UVRAG: variants seen among roughly 807,000 people sequenced by gnomAD.
UVRAG encodes the protein UV radiation resistance-associated gene protein.
UVRAG carries 19 observed loss-of-function variants against 78.0 expected under a neutral mutation model. The ratio of observed to expected loss-of-function variants is 0.24; its 90% CI spans 0.17 to 0.36. The LOEUF (loss-of-function observed/expected upper bound fraction) is 0.36. Ranked by LOEUF, UVRAG falls within the 10% of genes least tolerant of loss-of-function variation. UVRAG has a pLI of 1.00. For missense variants in UVRAG, 740 were observed against 853.8 expected, an observed-to-expected ratio of 0.87 and a Z score of 1.66; for synonymous variants, 323 against 324.6, an observed-to-expected ratio of 1.00 and a Z score of 0.05.
At chr11:76,062,227 G>T (rs1373813685) in intron 12 of UVRAG, among the ~76,000 whole-genome samples, 8 of 152,094 alleles carry the variant, frequency 5.3e-5, no homozygotes. Flanking sequence ...AATAAAAAAT[G>T]ATCTCAACTC....
At chr11:76,006,514 G>T (rs1022668963) in intron 9 of UVRAG, among the ~76,000 whole-genome samples, 1 of 151,774 alleles carries the variant, frequency 6.6e-6, no homozygotes, top group African/African-American at 2.4e-5. Context: ...ACAAAAATTA[G>T]CTCAGCATGG....
intron 1 of UVRAG, among the ~76,000 whole-genome samples, chr11:75,835,646 A>C (rs80191572): frequency 6.6e-6 from 1 of 152,224 alleles, no homozygotes; most frequent in Non-Finnish European, 1.5e-5. Context: ...TATTACAAAA[A>C]TAGAGATGTC....
At chr11:76,118,388 TTCTTG>T (rs1270700947) in intron 14 of UVRAG, among the ~76,000 whole-genome samples, 6 of 152,194 alleles carry the variant, frequency 3.9e-5, no homozygotes, top group Non-Finnish European at 5.9e-5. Context: ...TCGTTACTTT[TTCTTG>T]TCTTACTATG....
rs537708175 is a variant in UVRAG at position 75,953,573 on chromosome 11, G to T, written c.594-7871G>T. 2.6e-5 allele frequency among the ~76,000 whole-genome samples: 4 copies of T among 152,112 alleles called. No homozygotes were observed. The South Asian group carries it at 8.3e-4, about 32-fold the overall frequency. On this transcript the variant is annotated intron_variant, in intron 6 of 14. Coordinates refer to ENST00000356136, the MANE Select transcript of UVRAG (RefSeq NM_003369.4). Reference sequence around the variant, plus strand: ...TCTTTGTCTTAAACTTGAATGCAGGGTTTCTGATGTCATATGATCAATATT... The same window carrying T: ...TCTTTGTCTTAAACTTGAATGCAGGTTTTCTGATGTCATATGATCAATATT...
intron 7 of UVRAG, among the ~76,000 whole-genome samples, chr11:75,981,446 C>T (rs928724358): frequency 2.0e-5 from 3 of 147,424 alleles, no homozygotes; most frequent in African/African-American, 5.4e-5. Flanking sequence ...TATTTCTTTT[C>T]TTTTCGTTTT....
chr11:76,032,794 G>A (rs1591156704), intron 12 of UVRAG, among the ~76,000 whole-genome samples: 1 of 152,196 alleles, frequency 6.6e-6, no homozygotes, highest in Non-Finnish European at 1.5e-5. Flanking sequence ...GCACAAAGCA[G>A]ATAATACACC....
chr11:75,924,696 TTG>T (rs1948056363), intron 6 of UVRAG, among the ~76,000 whole-genome samples: 2 of 152,156 alleles, frequency 1.3e-5, no homozygotes, highest in South Asian at 4.1e-4. Flanking sequence ...CCTGAAAGCA[TTG>T]TTTTTAAATT....
At chr11:75,938,051 A>G (rs926935920) in intron 6 of UVRAG, among the ~76,000 whole-genome samples, 4 of 151,854 alleles carry the variant, frequency 2.6e-5, no homozygotes, top group African/African-American at 9.7e-5. Context: ...CATCCTTTAA[A>G]AATATGTGTG....
At chr11:75,947,818 G>A (rs1260694210) in intron 6 of UVRAG, among the ~76,000 whole-genome samples, 1 of 152,044 alleles carries the variant, frequency 6.6e-6, no homozygotes, top group African/African-American at 2.4e-5. Context: ...TTACGTCTAT[G>A]GATTTTTGTG....
intron 13 of UVRAG, among the ~76,000 whole-genome samples, chr11:76,068,167 T>C (rs1251260317): frequency 6.6e-6 from 1 of 152,184 alleles, no homozygotes; most frequent in Non-Finnish European, 1.5e-5. Context: ...TCATATAAAG[T>C]GTTGCTAAGA....
intron 12 of UVRAG, among the ~76,000 whole-genome samples, chr11:76,032,864 C>T (rs1007839829): frequency 6.6e-6 from 1 of 152,192 alleles, no homozygotes; most frequent in African/African-American, 2.4e-5. Context: ...TCACTTTACA[C>T]TGCTGAACAG....
chr11:75,932,682 A>C (rs1948268872), intron 6 of UVRAG, among the ~76,000 whole-genome samples: 1 of 152,230 alleles, frequency 6.6e-6, no homozygotes, highest in Admixed American at 6.5e-5. Context: ...GATACAAAAT[A>C]AACATATACC....
chr11:76,143,700 C>T lies in UVRAG; in HGVS notation c.*2287C>T, dbSNP rs937318108. On this transcript the variant is annotated 3_prime_UTR_variant, in exon 15 of 15. Coordinates refer to ENST00000356136, the MANE Select transcript of UVRAG (RefSeq NM_003369.4). ...CCTGGGTAGAACCTATGGGATTACC[C>T]GTCTCCTGGAATAACTGTTTGACGT... 1.3e-5 allele frequency among the ~76,000 whole-genome samples: 2 copies of T among 152,236 alleles called. No homozygotes were observed. Among genetic ancestry groups the T allele is most frequent in the African/African-American group, 2.4e-5 (1 of 41,452 alleles).
chr11:75,908,268 GT>G (rs1947660488), intron 5 of UVRAG, among the ~76,000 whole-genome samples: 1 of 152,016 alleles, frequency 6.6e-6, no homozygotes, highest in African/African-American at 2.4e-5. Flanking sequence ...CTTTTTAATG[GT>G]GAATAATATT....
chr11:75,981,602 A>G (rs902303356), intron 7 of UVRAG, among the ~76,000 whole-genome samples: 7 of 152,152 alleles, frequency 4.6e-5, no homozygotes, highest in African/African-American at 1.7e-4. Flanking sequence ...GGCATGAGCC[A>G]TCTTGCCTGG....
chr11:75,816,951 G>A (rs560201486), intron 1 of UVRAG, among the ~76,000 whole-genome samples: 1 of 152,294 alleles, frequency 6.6e-6, no homozygotes, highest in East Asian at 1.9e-4. Flanking sequence ...AGTAGCAACG[G>A]CTTTTTGTGT....
At chr11:76,003,288 T>TTTG (rs1491521163) in intron 8 of UVRAG, among the ~76,000 whole-genome samples, 1 of 62,472 alleles carries the variant, frequency 1.6e-5, no homozygotes, top group African/African-American at 6.1e-5. Context: ...TTTTTTTTTT[T>TTTG]GGAGACAGAG....
intron 1 of UVRAG, among the ~76,000 whole-genome samples, chr11:75,849,184 G>GA (rs957753361): frequency 5.8e-5 from 7 of 120,034 alleles, no homozygotes; most frequent in Non-Finnish European, 1.1e-4. Context: ...CCTCTCAAAA[G>GA]AAAAAAAAAA....
chr11:76,088,885 G>A (rs975364253), intron 13 of UVRAG, among the ~76,000 whole-genome samples: 2 of 152,072 alleles, frequency 1.3e-5, no homozygotes, highest in East Asian at 1.9e-4. Context: ...TTACATTTCT[G>A]TTGTTATTTT....
Sources: allele counts gnomAD v4.1 joint callset (sites outside exome capture counted in the v4.1 genomes callset), GRCh38; gene constraint gnomAD v4.1.1; transcripts MANE v1.5; gene names NCBI Gene and HGNC (gene_info 2026-07-23, HGNC 2026-07-21).